Variants in SORCS1 observed in about 807,000 individuals in gnomAD.
SORCS1 encodes sortilin related VPS10 domain containing receptor 1, also known as VPS10 domain-containing receptor SorCS1.
In SORCS1, 60 loss-of-function variants were observed where a neutral mutation model predicts 146.1. That is an observed-to-expected ratio of 0.41 (90% CI 0.33 to 0.51). The LOEUF is 0.51. SORCS1 is among the 20% of genes least tolerant of loss of function. The pLI is 0.21. For synonymous variants in SORCS1, 637 were observed against 584.0 expected (o/e 1.09, Z -1.31); for missense variants, 1,352 against 1,487.6 (o/e 0.91, Z 1.50).
intron 1 of SORCS1, among the ~76,000 whole-genome samples, chr10:106,983,224 A>G (rs1427099284): frequency 1.4e-5 from 2 of 147,086 alleles, no homozygotes; most frequent in East Asian, 1.9e-4. Context: ...ATATATATAC[A>G]TATTTCTATA....
At chr10:106,712,325 G>T (rs529740828) in intron 6 of SORCS1, among the ~76,000 whole-genome samples, 49 of 152,290 alleles carry the variant, frequency 3.2e-4, no homozygotes, top group African/African-American at 1.2e-3. Context: ...GATGAGTGAG[G>T]GGTCTGGTAT....
At chr10:106,755,584 TTGTGTGTGTGTG>T (rs57442916) in intron 5 of SORCS1, among the ~76,000 whole-genome samples, 1 of 149,828 alleles carries the variant, frequency 6.7e-6, no homozygotes, top group Non-Finnish European at 1.5e-5. Flanking sequence ...AACATAATCT[TTGTGTGTGTGTG>T]TGTGTGTGTG....
intron 1 of SORCS1, among the ~76,000 whole-genome samples, chr10:107,156,319 C>A (rs971996038): frequency 6.6e-5 from 10 of 152,318 alleles, no homozygotes; most frequent in African/African-American, 2.2e-4. Flanking sequence ...CACCTGCTAG[C>A]TGGGTAACCT....
intron 24 of SORCS1, among the ~76,000 whole-genome samples, chr10:106,589,309 C>G (rs1261603943): frequency 6.6e-6 from 1 of 152,134 alleles, no homozygotes; most frequent in African/African-American, 2.4e-5. Context: ...ACTTTCTATT[C>G]TCATGGAAAC....
intron 2 of SORCS1, among the ~76,000 whole-genome samples, chr10:106,938,538 C>G (rs1296323061): frequency 6.6e-6 from 1 of 152,224 alleles, no homozygotes; most frequent in Non-Finnish European, 1.5e-5. Context: ...ACCCTGCATC[C>G]TGCAGTCCAG....
intron 2 of SORCS1, among the ~76,000 whole-genome samples, chr10:106,933,470 T>C (rs6584771): frequency 0.99 from 150,231 of 152,340 alleles, 74,104 homozygotes; most frequent in East Asian, 1. Flanking sequence ...AGCTAAAATA[T>C]AATCAATGAT....
chr10:107,155,070 G>C (rs1969171927), intron 1 of SORCS1, among the ~76,000 whole-genome samples: 1 of 152,132 alleles, frequency 6.6e-6, no homozygotes, highest in Non-Finnish European at 1.5e-5. Flanking sequence ...TGGTTATGTG[G>C]ACAGCCATGG....
intron 4 of SORCS1, among the ~76,000 whole-genome samples, chr10:106,763,135 A>G (rs1281574816): frequency 6.6e-6 from 1 of 152,204 alleles, no homozygotes; most frequent in African/African-American, 2.4e-5. Flanking sequence ...AAGTATCAGG[A>G]CAGTTCAAAA....
intron 3 of SORCS1, among the ~76,000 whole-genome samples, chr10:106,816,888 G>C (rs1032713820): frequency 1.3e-5 from 2 of 152,174 alleles, no homozygotes; most frequent in Non-Finnish European, 2.9e-5. Context: ...TAGGGGTAAA[G>C]GTCAGCTCTC....
intron 6 of SORCS1, among the ~76,000 whole-genome samples, chr10:106,728,057 G>T (rs1006192341): frequency 2.6e-5 from 4 of 151,658 alleles, no homozygotes; most frequent in African/African-American, 9.7e-5. Flanking sequence ...TTTTGAGACG[G>T]AGTCTGGCTC....
chr10:106,787,259 A>G (rs919321250), intron 3 of SORCS1, among the ~76,000 whole-genome samples: 2 of 152,122 alleles, frequency 1.3e-5, no homozygotes, highest in Non-Finnish European at 2.9e-5. Flanking sequence ...ATAAACCAGA[A>G]ATTGAAAATA....
chr10:106,609,304 C>A (rs894412745), intron 22 of SORCS1, among the ~76,000 whole-genome samples: 1 of 152,160 alleles, frequency 6.6e-6, no homozygotes, highest in Non-Finnish European at 1.5e-5. Context: ...CTTCATTGTA[C>A]ACAAAAATGT....
At chr10:107,031,617 G>T (rs11193175) in intron 1 of SORCS1, among the ~76,000 whole-genome samples, 11,772 of 149,980 alleles carry the variant, frequency 0.078, 1,459 homozygotes, top group African/African-American at 0.27. Context: ...TTTTTTTGGT[G>T]GGGGGGAATA....
intron 3 of SORCS1, among the ~76,000 whole-genome samples, chr10:106,822,396 T>C (rs906344393): frequency 1.3e-5 from 2 of 152,170 alleles, no homozygotes; most frequent in African/African-American, 4.8e-5. Flanking sequence ...CAGGGACTTC[T>C]TGGAGTGACA....
intron 21 of SORCS1, among the ~76,000 whole-genome samples, chr10:106,614,121 G>A (rs1194829693): frequency 2.0e-5 from 3 of 152,088 alleles, no homozygotes; most frequent in South Asian, 4.2e-4. Context: ...TGTGTTCCTG[G>A]CCCTTGTCTA....
chr10:106,952,723 C>A (rs1176212120), intron 2 of SORCS1, among the ~76,000 whole-genome samples: 1 of 151,428 alleles, frequency 6.6e-6, no homozygotes, highest in Non-Finnish European at 1.5e-5. Flanking sequence ...TGCTTGTAAT[C>A]CTGAGAGTTT....
At chr10:106,849,577 C>G (rs1307046609) in intron 2 of SORCS1, among the ~76,000 whole-genome samples, 1 of 151,442 alleles carries the variant, frequency 6.6e-6, no homozygotes, top group Admixed American at 6.6e-5. Flanking sequence ...AAGCCTTCCT[C>G]TCTCAGCTCG....
intron 9 of SORCS1, among the ~76,000 whole-genome samples, chr10:106,689,453 G>A (rs1311713657): frequency 6.6e-6 from 1 of 152,150 alleles, no homozygotes; most frequent in Non-Finnish European, 1.5e-5. Flanking sequence ...TTGAGGATGA[G>A]GAAATAGATA....
At chr10:106,899,083 C>T (rs561570372) in intron 2 of SORCS1, among the ~76,000 whole-genome samples, 29 of 152,278 alleles carry the variant, frequency 1.9e-4, no homozygotes, top group African/African-American at 6.5e-4. Context: ...GTGAAGGACC[C>T]ATTCCAAAGT....
Sources: allele counts gnomAD v4.1 joint callset (sites outside exome capture counted in the v4.1 genomes callset), GRCh38; gene constraint gnomAD v4.1.1; transcripts MANE v1.5; gene names NCBI Gene and HGNC (gene_info 2026-07-23, HGNC 2026-07-21).